Variants in CDKAL1 observed in about 807,000 individuals in gnomAD.
CDKAL1 encodes CDKAL1 threonylcarbamoyladenosine tRNA methylthiotransferase.
Under a neutral mutation model 68.2 loss-of-function variants are expected in CDKAL1, and 32 were observed. The observed-to-expected ratio is 0.47, with a 90% CI of 0.35 to 0.63. The LOEUF is 0.63. Ranked by LOEUF, CDKAL1 falls within the 30% of genes least tolerant of loss-of-function variation. CDKAL1 has a pLI of 0.00. For missense variants in CDKAL1, 606 were observed against 696.7 expected (o/e 0.87, Z 1.47); for synonymous variants, 234 against 244.3 (o/e 0.96, Z 0.39).
intron 4 of CDKAL1, among the ~76,000 whole-genome samples, chr6:20,553,796 C>T (rs777334626): frequency 3.3e-5 from 5 of 151,958 alleles, no homozygotes; most frequent in East Asian, 1.9e-4. Flanking sequence ...TTTTTAGTAG[C>T]GATGGGGGTT....
chr6:20,832,829 T>A (rs1044878595), intron 8 of CDKAL1, among the ~76,000 whole-genome samples: 4 of 152,336 alleles, frequency 2.6e-5, no homozygotes, highest in Non-Finnish European at 4.4e-5. Context: ...AATGACATAG[T>A]TGAAGGTAAG....
rs1316272171 is a variant in CDKAL1 at position 21,117,292 on chromosome 6, T to G, written c.1299+8829T>G. Among the ~76,000 whole-genome samples the G allele has an allele frequency of 3.4e-5, 5 of 146,584 alleles. No homozygotes were observed. The East Asian group carries it at 9.8e-4, about 29-fold the overall frequency. On this transcript the variant is annotated intron_variant, in intron 13 of 15. Transcript: ENST00000274695. ...AATTCAAATTTCAGATAAATTGTTTTTTTTTTTTTTTAGAATGTGCCATGC... is the reference window on the plus strand; with the variant it reads ...AATTCAAATTTCAGATAAATTGTTTGTTTTTTTTTTTAGAATGTGCCATGC...
chr6:21,213,523 C>A (rs10214716), intron 15 of CDKAL1, among the ~76,000 whole-genome samples: 11,302 of 152,160 alleles, frequency 0.074, 913 homozygotes, highest in African/African-American at 0.21. Flanking sequence ...GAAATAAATT[C>A]TTTGAGTTTT....
At chr6:20,856,383 TG>T (rs2150514068) in intron 9 of CDKAL1, among the ~76,000 whole-genome samples, 1 of 152,332 alleles carries the variant, frequency 6.6e-6, no homozygotes, top group East Asian at 1.9e-4. Flanking sequence ...ACTTTTTAAG[TG>T]GGCAAGAGAT....
At chr6:20,596,151 TGAG>T (rs1160525899) in intron 4 of CDKAL1, among the ~76,000 whole-genome samples, 2 of 152,204 alleles carry the variant, frequency 1.3e-5, no homozygotes, top group African/African-American at 4.8e-5. Flanking sequence ...GGGACCCACT[TGAG>T]GAGGCAGTCC....
At chr6:20,649,799 G>T (rs965731556) in intron 5 of CDKAL1, among the ~76,000 whole-genome samples, 2 of 152,054 alleles carry the variant, frequency 1.3e-5, no homozygotes, top group Admixed American at 1.3e-4. Flanking sequence ...GCTCCCACTT[G>T]TAAGTGAGAA....
chr6:20,945,814 T>A (rs1036326354), intron 9 of CDKAL1, among the ~76,000 whole-genome samples: 4 of 152,254 alleles, frequency 2.6e-5, no homozygotes, highest in African/African-American at 9.6e-5. Context: ...CTTTTATTTA[T>A]TTCTATTTAC....
At chr6:21,060,741 A>G (rs2150926124) in intron 11 of CDKAL1, among the ~76,000 whole-genome samples, 2 of 152,118 alleles carry the variant, frequency 1.3e-5, no homozygotes, top group Middle Eastern at 3.4e-3. Flanking sequence ...TTTCTCCCCT[A>G]CCTACCTCAT....
At position 20,901,699 on chromosome 6, in the gene CDKAL1, A is replaced by AAGAAAG. The variant is rs1554137983; in HGVS notation, c.743-53719_743-53718insGAAAGA. Reference sequence around the variant, plus strand: ...CCATCTGGAAAAAAAAAAAAAAAAAAAAAAGAAAAGAAACACAGTTTTTCC... The same window carrying AAGAAAG: ...CCATCTGGAAAAAAAAAAAAAAAAAAAGAAAGAAAAGAAAAGAAACACAGTTTTTCC... On this transcript the variant is annotated intron_variant, in intron 9 of 15. Coordinates refer to ENST00000274695, the MANE Select transcript of CDKAL1 (RefSeq NM_017774.3). Among the ~76,000 whole-genome samples, 37 of 75,974 alleles carry AAGAAAG rather than the reference A, an allele frequency of 4.9e-4. No homozygotes were observed. In the East Asian group the frequency reaches 0.012, roughly 24 times the overall value. The allele number at this position is 75,974 out of a possible 152,430, so 49.8% of individuals were successfully genotyped here. A position where few individuals can be genotyped will look rare whatever the true frequency, so the allele number is the denominator to read the frequency against.
In CDKAL1 at chr6:20,673,106, G is replaced by A. The variant is rs561439747; in HGVS notation, c.371+23729G>A. 2.0e-5 allele frequency among the ~76,000 whole-genome samples: 3 copies of A among 152,270 alleles called. No homozygotes were observed. In the South Asian group the frequency reaches 6.2e-4, roughly 32 times the overall value. Reference sequence around the variant, plus strand: ...ATTAATTTTTAATAAATTAATTTAGGGAGAACTGATAGTTTTAGGAGGTGA... The same window carrying A: ...ATTAATTTTTAATAAATTAATTTAGAGAGAACTGATAGTTTTAGGAGGTGA... On this transcript the variant is annotated intron_variant, in intron 5 of 15. Transcript: ENST00000274695.
intron 13 of CDKAL1, among the ~76,000 whole-genome samples, chr6:21,165,828 C>G (rs1777128560): frequency 6.6e-6 from 1 of 152,126 alleles, no homozygotes; most frequent in African/African-American, 2.4e-5. Flanking sequence ...AGAGAGAGAG[C>G]TTTACGCACC....
chr6:20,570,911 G>T (rs1764674701), intron 4 of CDKAL1, among the ~76,000 whole-genome samples: 1 of 152,044 alleles, frequency 6.6e-6, no homozygotes, highest in Admixed American at 6.6e-5. Flanking sequence ...ATAGATTATT[G>T]ATAGGGGCTT....
chr6:21,183,323 C>T (rs12527222), intron 13 of CDKAL1, among the ~76,000 whole-genome samples: 7,158 of 152,260 alleles, frequency 0.047, 203 homozygotes, highest in East Asian at 0.1. Context: ...GCTTTTCAGA[C>T]AGGGTTCCTC....
At chr6:20,677,079 G>T (rs12660618) in intron 5 of CDKAL1, among the ~76,000 whole-genome samples, 24,382 of 130,526 alleles carry the variant, frequency 0.19, 2,335 homozygotes, top group East Asian at 0.45. Context: ...AATTTTTTTT[G>T]TGTGTGTGTG....
intron 4 of CDKAL1, among the ~76,000 whole-genome samples, chr6:20,588,193 C>CTA (rs1272619172): frequency 6.6e-6 from 1 of 152,190 alleles, no homozygotes; most frequent in Non-Finnish European, 1.5e-5. Flanking sequence ...TTGTTAATAT[C>CTA]CAGTAGAGAT....
chr6:21,119,771 A>G (rs1257089435), intron 13 of CDKAL1, among the ~76,000 whole-genome samples: 2 of 152,146 alleles, frequency 1.3e-5, no homozygotes, highest in Non-Finnish European at 2.9e-5. Context: ...GGGCTCTTCA[A>G]CATGGTGCAT....
In CDKAL1 at chr6:20,706,767, G is replaced by C. The variant is rs531555437; in HGVS notation, c.372-32752G>C. Among the ~76,000 whole-genome samples, 28 of 152,234 alleles carry C rather than the reference G, an allele frequency of 1.8e-4. No homozygotes were observed. In the East Asian group the frequency reaches 5.0e-3, roughly 27 times the overall value. On this transcript the variant is annotated intron_variant, in intron 5 of 15. Coordinates refer to ENST00000274695, the MANE Select transcript of CDKAL1 (RefSeq NM_017774.3). ...GAAGTGATGAGTCACATGAGTAATT[G>C]TATTACTTGTATAAAGTACTTGGAA... is the stretch of plus-strand genomic sequence containing the variant.
chr6:21,031,587 T>C (rs570363453), intron 11 of CDKAL1, among the ~76,000 whole-genome samples: 71 of 151,904 alleles, frequency 4.7e-4, no homozygotes, highest in South Asian at 1.3e-3. Context: ...TATCTTGAGC[T>C]CTGAGGGCCA....
At chr6:20,703,385 T>A (rs1270411870) in intron 5 of CDKAL1, among the ~76,000 whole-genome samples, 1 of 152,204 alleles carries the variant, frequency 6.6e-6, no homozygotes, top group African/African-American at 2.4e-5. Context: ...ATATTTATTA[T>A]CTGGCACTTT....
Sources: gnomAD v4.1 joint callset for allele counts (sites outside exome capture counted in the v4.1 genomes callset) on GRCh38, gnomAD v4.1.1 for gene constraint, MANE v1.5 for transcripts, NCBI Gene and HGNC (gene_info 2026-07-23, HGNC 2026-07-21) for gene names.